The following GPR55 variants were observed in gnomAD, a reference collection of about 807,000 sequenced individuals.
GPR55 encodes G protein-coupled receptor 55.
In GPR55, 6 loss-of-function variants were observed where a neutral mutation model predicts 7.9. The ratio of observed to expected loss-of-function variants is 0.76; its 90% CI spans 0.41 to 1.49. The LOEUF (loss-of-function observed/expected upper bound fraction) is 1.49. Ranked by LOEUF, GPR55 falls within the 40% of genes most tolerant of loss-of-function variation. The probability of loss-of-function intolerance (pLI) is 0.01; values close to 1 mark genes in which losing one functional copy is unlikely to be tolerated. For synonymous variants in GPR55, 183 were observed against 166.8 expected, an observed-to-expected ratio of 1.10 and a Z score of -0.75; for missense variants, 376 against 406.0, an observed-to-expected ratio of 0.93 and a Z score of 0.63.
intron 1 of GPR55, among the ~76,000 whole-genome samples, chr2:230,940,046 C>T (rs78327769): frequency 0.024 from 3,704 of 152,238 alleles, 140 homozygotes; most frequent in African/African-American, 0.085. Flanking sequence ...AAGAGCCAGT[C>T]CTCCCATCCC....
chr2:230,912,865 A>G (rs1182599053), intron 1 of GPR55, among the ~76,000 whole-genome samples: 1 of 152,260 alleles, frequency 6.6e-6, no homozygotes, highest in Non-Finnish European at 1.5e-5. Flanking sequence ...TAGGAAAGTC[A>G]GCCTCCTTGT....
upstream of GPR55, among the ~76,000 whole-genome samples, chr2:230,927,357 C>A (rs943185849): frequency 1.3e-5 from 2 of 152,142 alleles, no homozygotes; most frequent in Admixed American, 6.5e-5. Flanking sequence ...GGATCCCTTG[C>A]CAAGATACGT....
chr2:230,922,223 A>G (rs150463687), intron 1 of GPR55, among the ~76,000 whole-genome samples: 1 of 152,282 alleles, frequency 6.6e-6, no homozygotes, highest in Non-Finnish European at 1.5e-5. Context: ...GGTGAAAAGG[A>G]GAGAAAGTAT....
chr2:230,917,171 T>C (rs1406240920), intron 1 of GPR55, among the ~76,000 whole-genome samples: 1 of 152,214 alleles, frequency 6.6e-6, no homozygotes, highest in African/African-American at 2.4e-5. Context: ...ATACACCGAA[T>C]GGTGGAAAAG....
chr2:230,960,851 CTGAG>C (rs1400109254), exon 1 of GPR55: 1 of 152,074 alleles, frequency 6.6e-6, no homozygotes, highest in Non-Finnish European at 1.5e-5. Flanking sequence ...TTGCTGGAGG[CTGAG>C]TGTTTGGGCT....
Position 230,910,933 on chromosome 2 carries a change from GC to G in GPR55, c.29del (p.Cys10SerfsTer9). The G allele has an allele frequency of 6.2e-7, 1 of 1,607,476 alleles. No homozygotes were observed. The highest frequency in any genetic ancestry group is 8.5e-7 in the Non-Finnish European group (1 of 1,174,674). On this transcript the variant is annotated frameshift_variant, in exon 2 of 2. Transcript: ENST00000650999. LOFTEE classifies it high-confidence loss of function. The surrounding 1 kb of genome is among the most constrained non-coding windows in gnomAD (Gnocchi z 5.4). MSQQNTSGD[C>X]LFDGVNELMK... ...TCAGCTCGTTGACACCGTCAAACAG[GC>G]AGTCCCCACTGGTGTTTTGCTGACT... is the stretch of plus-strand genomic sequence containing the variant.
At chr2:230,919,579 G>A (rs1382265584) in intron 1 of GPR55, among the ~76,000 whole-genome samples, 2 of 152,272 alleles carry the variant, frequency 1.3e-5, no homozygotes, top group East Asian at 1.9e-4. Flanking sequence ...GCTAGTAAGT[G>A]TACAAATTAG....
Position 230,910,285 on chromosome 2 carries a change from G to A in GPR55, c.678C>T (p.Tyr226=), listed in dbSNP as rs752105578. 3 of 1,614,030 alleles carry A rather than the reference G, an allele frequency of 1.9e-6. No homozygotes were observed. The highest frequency in any genetic ancestry group is 4.5e-5 in the East Asian group (2 of 44,868). The change falls in exon 2 of 2, where the codon TAC becomes TAT. Residue 226 remains tyrosine (Y), a synonymous_variant. Coordinates refer to ENST00000650999, the MANE Select transcript of GPR55 (RefSeq NM_005683.4). This position sits in a 1 kb window ranked among gnomAD's most constrained non-coding sequence, Gnocchi z 5.4. ...AGACAGCCAGGCTGGCTGCGATGCT[G>A]TAGATGCAGGCTTTCTGCTGCACCC... ...QDWVQQKACI[Y]SIAASLAVFV...
intron 1 of GPR55, among the ~76,000 whole-genome samples, chr2:230,947,307 T>C (rs1023625695): frequency 6.6e-6 from 1 of 152,158 alleles, no homozygotes; most frequent in South Asian, 2.1e-4. Flanking sequence ...CAGCTGCACC[T>C]TGGACGTGCA....
chr2:230,944,064 G>A lies in GPR55; in HGVS notation c.-135+16711C>T, dbSNP rs1015190990. ...CTCCCTGGCCCTAGCCCAGGAGGAG[G>A]ACCAGCAAGAGTAGTGAAGTGAGAA... On this transcript the variant is annotated intron_variant, in intron 1 of 1. Coordinates refer to the GPR55 transcript ENST00000392039. The surrounding 1 kb of genome is among the most constrained non-coding windows in gnomAD (Gnocchi z 4.2). Among the ~76,000 whole-genome samples, 1 of 152,210 alleles carries A rather than the reference G, an allele frequency of 6.6e-6. No homozygotes were observed. Among genetic ancestry groups the A allele is most frequent in the Non-Finnish European group, 1.5e-5 (1 of 68,034 alleles).
At chr2:230,928,789 A>G (rs2125060605), upstream of GPR55, among the ~76,000 whole-genome samples, 1 of 152,316 alleles carries the variant, frequency 6.6e-6, no homozygotes, top group East Asian at 1.9e-4. Flanking sequence ...AGAGGAAGGC[A>G]GGGGAACTCA....
chr2:230,941,642 C>A (rs1179597305), intron 1 of GPR55, among the ~76,000 whole-genome samples: 1 of 152,106 alleles, frequency 6.6e-6, no homozygotes, highest in Admixed American at 6.5e-5. Flanking sequence ...AATGAGGTCC[C>A]AGTCTCATCT....
chr2:230,921,577 G>A (rs928867989), intron 1 of GPR55, among the ~76,000 whole-genome samples: 2 of 152,186 alleles, frequency 1.3e-5, no homozygotes, highest in African/African-American at 4.8e-5. Flanking sequence ...AAAATCAGAC[G>A]TACATTGCTG....
chr2:230,931,850 C>G (rs1691045044), intron 1 of GPR55, among the ~76,000 whole-genome samples: 1 of 152,136 alleles, frequency 6.6e-6, no homozygotes, highest in Non-Finnish European at 1.5e-5. Flanking sequence ...GCCTGCTTGC[C>G]CACTCCACCC....
intron 1 of GPR55, among the ~76,000 whole-genome samples, chr2:230,957,156 T>G (rs988011723): frequency 1.3e-5 from 2 of 152,232 alleles, no homozygotes; most frequent in Non-Finnish European, 2.9e-5. Context: ...ATTTCAGAAT[T>G]AGAAATTTTA....
chr2:230,943,359 C>T (rs1691264160), intron 1 of GPR55, among the ~76,000 whole-genome samples: 6 of 152,200 alleles, frequency 3.9e-5, no homozygotes, highest in Admixed American at 3.9e-4. Flanking sequence ...CACCTCCTCT[C>T]CTCTCCCACT....
At chr2:230,928,821 A>C (rs1690986001), upstream of GPR55, among the ~76,000 whole-genome samples, 1 of 152,170 alleles carries the variant, frequency 6.6e-6, no homozygotes, top group Admixed American at 6.5e-5. Flanking sequence ...CAAAGAGAGG[A>C]AGATGAGCAG....
chr2:230,956,633 AAAG>A (rs1164518138), intron 1 of GPR55, among the ~76,000 whole-genome samples: 2 of 152,196 alleles, frequency 1.3e-5, no homozygotes, highest in Non-Finnish European at 2.9e-5. Context: ...GCAGCTCCTA[AAAG>A]AAGAACATTC....
At chr2:230,915,728 A>T (rs1559170914) in intron 1 of GPR55, among the ~76,000 whole-genome samples, 1 of 152,218 alleles carries the variant, frequency 6.6e-6, no homozygotes, top group Non-Finnish European at 1.5e-5. Flanking sequence ...ACAAACATCC[A>T]TGAATAAACA....
Sources: gnomAD v4.1 joint callset for allele counts (sites outside exome capture counted in the v4.1 genomes callset) on GRCh38, gnomAD v4.1.1 for gene constraint, Gnocchi (gnomAD v3.1) non-coding constraint, MANE v1.5 for transcripts, NCBI Gene and HGNC (gene_info 2026-07-23, HGNC 2026-07-21) for gene names.